Variants in OLFML2A observed in about 807,000 individuals in gnomAD.
OLFML2A encodes the protein olfactomedin like 2A, also known as olfactomedin-like protein 2A.
In OLFML2A, 47 loss-of-function variants were observed where a neutral mutation model predicts 60.9. That is an observed-to-expected ratio of 0.77 (90% CI 0.61 to 0.98). The LOEUF (loss-of-function observed/expected upper bound fraction) is 0.98. OLFML2A is among the 50% of genes least tolerant of loss of function. OLFML2A has a pLI of 0.00. For missense variants in OLFML2A, 922 were observed against 879.8 expected (o/e 1.05, Z -0.61); for synonymous variants, 372 against 375.0 (o/e 0.99, Z 0.09).
intron 6 of OLFML2A, among the ~76,000 whole-genome samples, chr9:124,807,294 C>CTTTT (rs56823893): frequency 4.4e-5 from 6 of 136,162 alleles, no homozygotes; most frequent in Non-Finnish European, 6.2e-5. Flanking sequence ...TCTCCATTCT[C>CTTTT]TTTTTTTTTT....
chr9:124,810,171 A>G lies in OLFML2A; in HGVS notation c.1718A>G (p.Asn573Ser). ...ACGTGGAAGACACGGCTGCGGCGGA[A>G]CTCCTACGGGAACTGCTTCCTGGTG... ...ETTWKTRLRR[N>S]SYGNCFLVCG... The change falls in exon 8 of 8, where the codon AAC becomes AGC. Residue 573 changes from asparagine to serine, a missense_variant. Physicochemically the swap from Asn to Ser is conservative, Grantham distance 46. Transcript: ENST00000373580. 1 of 1,613,644 alleles carries G rather than the reference A, an allele frequency of 6.2e-7. No homozygotes were observed. Among genetic ancestry groups the G allele is most frequent in the African/African-American group, 1.3e-5 (1 of 74,928 alleles).
At chr9:124,795,165 C>A in intron 3 of OLFML2A, 34 bp downstream of exon 3, 1 of 1,332,426 alleles carries the variant, frequency 7.5e-7, no homozygotes, top group Non-Finnish European at 1.1e-6. Context: ...GGCCAGGCTG[C>A]TCTGGTGCTG....
intron 1 of OLFML2A, among the ~76,000 whole-genome samples, chr9:124,783,826 A>G (rs1841406522): frequency 6.6e-6 from 1 of 152,234 alleles, no homozygotes; most frequent in Non-Finnish European, 1.5e-5. Flanking sequence ...GGGAGACAGA[A>G]TATACACAAA....
chr9:124,784,342 T>C (rs1841418111), intron 1 of OLFML2A, among the ~76,000 whole-genome samples: 1 of 152,070 alleles, frequency 6.6e-6, no homozygotes, highest in African/African-American at 2.4e-5. Flanking sequence ...TAGCTGAGAT[T>C]ACAGATGCCC....
rs1043179105 is a variant in OLFML2A, at chr9:124,814,077, C to A, written c.*3665C>A. The stretch of plus-strand genomic sequence containing the variant: ...CCTCTTGCGTTCCCCCTAGAGATGT[C>A]CAGGCCTTACATTTAATCGGCTTTC... On this transcript the variant is annotated 3_prime_UTR_variant, in exon 8 of 8. Transcript: ENST00000373580. 6.6e-6 allele frequency: 1 copy of A among 152,210 alleles called. No homozygotes were observed. The highest frequency in any genetic ancestry group is 1.5e-5 in the Non-Finnish European group (1 of 68,060). 9.4% of individuals were successfully genotyped at this position (152,210 alleles called of 1,614,324 possible).
At position 124,799,444 on chromosome 9, in the gene OLFML2A, G is replaced by A. The variant is rs79134766; in HGVS notation, c.622G>A (p.Ala208Thr). Reference protein sequence around the residue: ...LGLQLLQKDAAAAPATPATGT... With the variant: ...LGLQLLQKDATAAPATPATGT... The stretch of plus-strand genomic sequence containing the variant: ...CCTCCAGCTGCTGCAGAAGGATGCC[G>A]CCGCCGCCCCTGCCACCCCTGCCAC... Residue 208 changes from alanine to threonine, a missense_variant, in exon 4 of 8, where the codon GCC becomes ACC. By Grantham distance (58) the Ala-to-Thr change is moderately conservative. Coordinates refer to ENST00000373580, the MANE Select transcript of OLFML2A (RefSeq NM_182487.4). The A allele has an allele frequency of 4.5e-3, 7,236 of 1,608,416 alleles. 146 individuals carry two copies. The highest frequency in any genetic ancestry group is 0.04 in the East Asian group (1,803 of 44,622).
At position 124,802,089 on chromosome 9, in the gene OLFML2A, A is replaced by G. The variant is rs185763943; in HGVS notation, c.919+426A>G. Among the ~76,000 whole-genome samples the G allele has an allele frequency of 3.1e-3, 475 of 152,216 alleles. 1 individual carries two copies. Among genetic ancestry groups the G allele is most frequent in the Non-Finnish European group, 5.1e-3 (344 of 68,000 alleles). On this transcript the variant is annotated intron_variant, in intron 5 of 7. Transcript: ENST00000373580. ...AATACCGGGCTCCTGAGAAGTGACA[A>G]GGGCTTTCAGGGCATCTCTCATTTC...
chr9:124,795,644 A>G (rs914467861), intron 3 of OLFML2A, among the ~76,000 whole-genome samples: 1 of 152,174 alleles, frequency 6.6e-6, no homozygotes, highest in African/African-American at 2.4e-5. Flanking sequence ...GCGTGGTGGT[A>G]TGTGCCTGTA....
In OLFML2A at chr9:124,813,683, C is replaced by T. The variant is rs1443457025; in HGVS notation, c.*3271C>T. The T allele has an allele frequency of 6.6e-6, 1 of 152,102 alleles. No individual in the cohort carries two copies. The highest frequency in any genetic ancestry group is 1.5e-5 in the Non-Finnish European group (1 of 68,040). The allele number at this position is 152,102 out of a possible 1,614,324, so 9.4% of individuals were successfully genotyped here. On this transcript the variant is annotated 3_prime_UTR_variant, in exon 8 of 8. Coordinates refer to ENST00000373580, the MANE Select transcript of OLFML2A (RefSeq NM_182487.4). ...TGAATGCCAAGCCAAGGAGTGGATG[C>T]CTCCAGTCATATTTAGAACAAAGTC...
intron 1 of OLFML2A, among the ~76,000 whole-genome samples, chr9:124,782,750 AG>A (rs1841384297): frequency 6.6e-6 from 1 of 152,176 alleles, no homozygotes; most frequent in Admixed American, 6.5e-5. Flanking sequence ...CGCCCCCATC[AG>A]GAGGTAGCAC....
intron 2 of OLFML2A, among the ~76,000 whole-genome samples, chr9:124,787,661 C>T (rs1178165041): frequency 1.3e-5 from 2 of 151,776 alleles, no homozygotes; most frequent in Admixed American, 6.6e-5. Context: ...CGGGTTCAAG[C>T]GATTCTCCTG....
chr9:124,799,213 G>T, intron 3 of OLFML2A, 72 bp from the exon 4 acceptor site: 1 of 1,100,880 alleles, frequency 9.1e-7, no homozygotes, highest in South Asian at 1.3e-5. Flanking sequence ...ACCAAAGCTG[G>T]GGTGTCCCTC....
intron 7 of OLFML2A, among the ~76,000 whole-genome samples, chr9:124,808,684 G>A (rs137925841): frequency 6.6e-5 from 10 of 152,210 alleles, no homozygotes; most frequent in East Asian, 3.9e-4. Context: ...TAAGCCATGC[G>A]GAAGGGAGAG....
chr9:124,799,217 G>A, intron 3 of OLFML2A, 68 bp from the exon 4 acceptor site: 2 of 1,141,620 alleles, frequency 1.8e-6, no homozygotes, highest in East Asian at 2.4e-5. Flanking sequence ...AAGCTGGGGT[G>A]TCCCTCCAGG....
chr9:124,810,139 G>T lies in OLFML2A; in HGVS notation c.1686G>T (p.Arg562=). 2 of 1,613,902 alleles carry T rather than the reference G, an allele frequency of 1.2e-6. No homozygotes were observed. ...RLDPGDLSVH[R]ETTWKTRLRR... ...ACCCCGGCGATCTCTCCGTGCACCG[G>T]GAGACCACGTGGAAGACACGGCTGC... Residue 562 remains arginine, a synonymous_variant, in exon 8 of 8, where the codon CGG becomes CGT. Transcript: ENST00000373580.
rs1400756617 is a variant in OLFML2A, at chr9:124,777,799, C to T, written c.90+439C>T. Among the ~76,000 whole-genome samples the T allele has an allele frequency of 4.6e-5, 7 of 152,152 alleles. No individual in the cohort carries two copies. Among genetic ancestry groups the T allele is most frequent in the Admixed American group, 4.6e-4 (7 of 15,282 alleles). On this transcript the variant is annotated intron_variant, in intron 1 of 7. Transcript: ENST00000373580. The surrounding 1 kb of genome is among the most constrained non-coding windows in gnomAD (Gnocchi z 6.2). The stretch of plus-strand genomic sequence containing the variant: ...CCGATGAACGCAGCCGCGCTGGCCA[C>T]TCGCCTGGCCTCTGATGTTCTTGCC...
intron 7 of OLFML2A, 54 bp downstream of exon 7, chr9:124,808,020 G>A: frequency 1.5e-6 from 2 of 1,364,116 alleles, no homozygotes; most frequent in Non-Finnish European, 1.0e-6. Context: ...CCTGGGGAGG[G>A]GTCCTCATGG....
chr9:124,809,506 C>T lies in OLFML2A; in HGVS notation c.1355-302C>T, dbSNP rs575103292. Among the ~76,000 whole-genome samples, 238 of 152,032 alleles carry T rather than the reference C, an allele frequency of 1.6e-3. 1 individual carries two copies. The highest frequency in any genetic ancestry group is 2.6e-3 in the Non-Finnish European group (176 of 67,964). ...AGTCCTAACAGAGGAACAGCAGGGA[C>T]GAAGGCCTGGAGACAAAGAATGGGG... On this transcript the variant is annotated intron_variant, in intron 7 of 7. Transcript: ENST00000373580.
At chr9:124,809,215 C>T (rs548925603) in intron 7 of OLFML2A, among the ~76,000 whole-genome samples, 3 of 152,108 alleles carry the variant, frequency 2.0e-5, no homozygotes, top group South Asian at 2.1e-4. Context: ...ATCCTTCCTC[C>T]GCTAGCTCAA....
Sources: gnomAD v4.1 joint callset for allele counts (sites outside exome capture counted in the v4.1 genomes callset) on GRCh38, gnomAD v4.1.1 for gene constraint, Gnocchi (gnomAD v3.1) non-coding constraint, MANE v1.5 for transcripts, NCBI Gene and HGNC (gene_info 2026-07-23, HGNC 2026-07-21) for gene names.